KCNIP4: variants seen among roughly 807,000 people sequenced by gnomAD.
KCNIP4 encodes potassium voltage-gated channel interacting protein 4.
In KCNIP4, 12 loss-of-function variants were observed where a neutral mutation model predicts 34.0. The observed-to-expected ratio is 0.35, with a 90% CI of 0.23 to 0.57. The LOEUF (loss-of-function observed/expected upper bound fraction) is 0.57, where lower values mean the gene tolerates loss of function less well. KCNIP4 is among the 20% of genes least tolerant of loss of function. The pLI, the probability that KCNIP4 is intolerant of heterozygous loss-of-function variation, is 0.83. For synonymous variants in KCNIP4, 124 were observed against 102.2 expected (o/e 1.21, Z -1.29); for missense variants, 238 against 311.7 (o/e 0.76, Z 1.78).
In KCNIP4 at chr4:21,838,627, T is replaced by C. The variant is rs180781987; in HGVS notation, c.61+109944A>G. On this transcript the variant is annotated intron_variant, in intron 1 of 8. Transcript: ENST00000382152. ...ATTCGTATTGGGCTACATATTAACA[T>C]TGATATCACTTAAAAGATAGTACAG... is the stretch of plus-strand genomic sequence containing the variant. Among the ~76,000 whole-genome samples, 137 of 152,292 alleles carry C rather than the reference T, an allele frequency of 9.0e-4. No homozygotes were observed. The East Asian group carries it at 0.019, about 21-fold the overall frequency.
At chr4:21,599,887 C>T (rs1227784194) in intron 1 of KCNIP4, among the ~76,000 whole-genome samples, 2 of 151,970 alleles carry the variant, frequency 1.3e-5, no homozygotes, top group Non-Finnish European at 2.9e-5. Context: ...GTAGGGAGTA[C>T]TAAATATAAG....
intron 1 of KCNIP4, among the ~76,000 whole-genome samples, chr4:21,139,742 CG>C (rs1751798150): frequency 2.9e-5 from 1 of 34,984 alleles, no homozygotes; most frequent in African/African-American, 1.9e-4. Flanking sequence ...TCTTTCTCTC[CG>C]TCCGTCCATA....
chr4:21,110,759 A>G (rs924203507), intron 1 of KCNIP4, among the ~76,000 whole-genome samples: 1 of 152,312 alleles, frequency 6.6e-6, no homozygotes, highest in African/African-American at 2.4e-5. Flanking sequence ...TCCTTCCACC[A>G]TGTGAGGACA....
chr4:21,861,540 G>A (rs1211739926), intron 1 of KCNIP4, among the ~76,000 whole-genome samples: 6 of 151,650 alleles, frequency 4.0e-5, no homozygotes, highest in Non-Finnish European at 5.9e-5. Context: ...AAACCCAGCT[G>A]CTTGGGAGGC....
In KCNIP4 at chr4:21,151,404, CAA is replaced by C. The variant is rs1491443116; in HGVS notation, c.62-268697_62-268696del. On this transcript the variant is annotated intron_variant, in intron 1 of 8. Coordinates refer to ENST00000382152, the MANE Select transcript of KCNIP4 (RefSeq NM_025221.6). ...TAGAATGGATGTCTTCAACAAAAGA[CAA>C]TTTTTTTTTTTTTTTTTTTTTTTTT... Among the ~76,000 whole-genome samples, 74 of 66,722 alleles carry C rather than the reference CAA, an allele frequency of 1.1e-3. 6 individuals carry two copies. The highest frequency in any genetic ancestry group is 5.0e-3 in the African/African-American group (63 of 12,722). 43.8% of individuals were successfully genotyped at this position (66,722 alleles called of 152,430 possible).
At chr4:21,939,956 T>C (rs1194861910) in intron 1 of KCNIP4, among the ~76,000 whole-genome samples, 2 of 152,130 alleles carry the variant, frequency 1.3e-5, no homozygotes, top group African/African-American at 4.8e-5. Flanking sequence ...CTACACCAAT[T>C]TGAAATGCCT....
intron 1 of KCNIP4, among the ~76,000 whole-genome samples, chr4:21,276,784 T>C (rs78367418): frequency 0.054 from 8,222 of 152,254 alleles, 242 homozygotes; most frequent in African/African-American, 0.078. Context: ...GATATAGTTT[T>C]GGGCCAATGA....
intron 1 of KCNIP4, among the ~76,000 whole-genome samples, chr4:21,026,433 C>A (rs918466219): frequency 1.3e-5 from 2 of 152,074 alleles, no homozygotes; most frequent in African/African-American, 4.8e-5. Flanking sequence ...TTAGTTTGCT[C>A]GGTTGAACCC....
intron 1 of KCNIP4, among the ~76,000 whole-genome samples, chr4:20,943,335 T>A (rs1424874812): frequency 6.6e-6 from 1 of 152,232 alleles, no homozygotes; most frequent in East Asian, 1.9e-4. Flanking sequence ...GTTTATAGCC[T>A]ATAAGACTGT....
intron 3 of KCNIP4, among the ~76,000 whole-genome samples, chr4:20,765,524 C>G (rs1268133279): frequency 6.6e-6 from 1 of 152,138 alleles, no homozygotes; most frequent in East Asian, 1.9e-4. Context: ...TTTAGTGTAA[C>G]AAGAACCTCC....
At chr4:21,489,112 T>C (rs1732154481) in intron 1 of KCNIP4, among the ~76,000 whole-genome samples, 1 of 152,108 alleles carries the variant, frequency 6.6e-6, no homozygotes, top group South Asian at 2.1e-4. Flanking sequence ...GTTCATATGA[T>C]AGTTTTCATC....
intron 1 of KCNIP4, among the ~76,000 whole-genome samples, chr4:21,701,648 T>G (rs1712851080): frequency 6.6e-6 from 1 of 152,194 alleles, no homozygotes; most frequent in South Asian, 2.1e-4. Flanking sequence ...TGTAGATATC[T>G]ATAATGTACT....
chr4:21,916,765 C>T (rs1728653886), intron 1 of KCNIP4, among the ~76,000 whole-genome samples: 1 of 152,174 alleles, frequency 6.6e-6, no homozygotes, highest in Admixed American at 6.5e-5. Flanking sequence ...TGTTACCTAG[C>T]TTGCCTTGGC....
chr4:21,011,428 G>A (rs1302732855), intron 1 of KCNIP4, among the ~76,000 whole-genome samples: 4 of 152,124 alleles, frequency 2.6e-5, no homozygotes, highest in Admixed American at 2.6e-4. Context: ...TATTTCCATC[G>A]GTACTTTTCC....
intron 1 of KCNIP4, among the ~76,000 whole-genome samples, chr4:21,154,562 A>G (rs906177422): frequency 4.6e-5 from 7 of 152,202 alleles, no homozygotes; most frequent in Non-Finnish European, 7.3e-5. Flanking sequence ...CCATTATCAG[A>G]TCTGCAATGG....
chr4:21,322,530 A>G (rs546631220), intron 1 of KCNIP4, among the ~76,000 whole-genome samples: 1 of 152,264 alleles, frequency 6.6e-6, no homozygotes, highest in African/African-American at 2.4e-5. Flanking sequence ...AATACAACAC[A>G]TAATAATGCT....
At chr4:21,683,257 T>A (rs1750528332) in intron 1 of KCNIP4, among the ~76,000 whole-genome samples, 1 of 152,094 alleles carries the variant, frequency 6.6e-6, no homozygotes, top group African/African-American at 2.4e-5. Flanking sequence ...ATTATTACAA[T>A]AAAAACACTT....
At chr4:21,709,896 T>C (rs1391128420) in intron 1 of KCNIP4, among the ~76,000 whole-genome samples, 2 of 152,166 alleles carry the variant, frequency 1.3e-5, no homozygotes, top group African/African-American at 4.8e-5. Flanking sequence ...ATAGGCCAAA[T>C]GCCAAAAGAG....
chr4:21,521,488 A>G (rs1735520901), intron 1 of KCNIP4, among the ~76,000 whole-genome samples: 1 of 152,098 alleles, frequency 6.6e-6, no homozygotes. Flanking sequence ...CAAAAATAAC[A>G]TATCTAAAAC....
Sources: allele counts gnomAD v4.1 joint callset (sites outside exome capture counted in the v4.1 genomes callset), GRCh38; gene constraint gnomAD v4.1.1; transcripts MANE v1.5; gene names NCBI Gene and HGNC (gene_info 2026-07-23, HGNC 2026-07-21).